Variants in TRIM5 observed in about 807,000 individuals in gnomAD.
TRIM5 encodes the protein tripartite motif containing 5.
A neutral mutation model predicts 35.6 loss-of-function variants in TRIM5; 31 were observed. The ratio of observed to expected loss-of-function variants is 0.87; its 90% CI spans 0.65 to 1.18. TRIM5 has a LOEUF of 1.18. Ranked by LOEUF, TRIM5 falls within the 50% of genes most tolerant of loss-of-function variation. The pLI is 0.00. For missense variants in TRIM5, 609 were observed against 591.6 expected, an observed-to-expected ratio of 1.03 and a Z score of -0.31; for synonymous variants, 243 against 215.6, an observed-to-expected ratio of 1.13 and a Z score of -1.11.
At chr11:5,597,372 A>G in the TRIM5 span, among the ~76,000 whole-genome samples, 11 of 152,328 alleles carry the variant, frequency 7.2e-5, 1 homozygote, top group African/African-American at 2.4e-4. Flanking sequence ...GCACAATCAA[A>G]ACAATTTTTA....
downstream of TRIM5, among the ~76,000 whole-genome samples, chr11:5,659,007 T>C (rs568115867): frequency 1.1e-4 from 17 of 151,986 alleles, no homozygotes; most frequent in South Asian, 3.5e-3. Context: ...TGTGGTAGGG[T>C]GGGCGCCTGG....
the TRIM5 span, among the ~76,000 whole-genome samples, chr11:5,609,725 A>G: frequency 1.3e-5 from 2 of 152,158 alleles, no homozygotes; most frequent in Admixed American, 6.5e-5. Context: ...GATCAAAACC[A>G]TCCTGGCTAA....
At chr11:5,610,471 G>C in the TRIM5 span, 1 of 1,612,920 alleles carries the variant, frequency 6.2e-7, no homozygotes, top group South Asian at 1.1e-5. Flanking sequence ...GTAGTAAGGA[G>C]AGAGATACCA....
chr11:5,658,477 T>G (rs764764498), downstream of TRIM5, among the ~76,000 whole-genome samples: 13 of 152,212 alleles, frequency 8.5e-5, no homozygotes, highest in Non-Finnish European at 1.9e-4. Flanking sequence ...GAAAGCCCTC[T>G]GTCCTTGCAA....
intron 1 of TRIM5, among the ~76,000 whole-genome samples, chr11:5,682,931 G>A (rs1462557038): frequency 1.3e-5 from 2 of 152,248 alleles, no homozygotes; most frequent in Non-Finnish European, 2.9e-5. Flanking sequence ...CCCTCAGCTT[G>A]CAGGGAGGTG....
chr11:5,617,028 C>T, the TRIM5 span, among the ~76,000 whole-genome samples: 64 of 122,502 alleles, frequency 5.2e-4, 6 homozygotes, highest in African/African-American at 1.5e-3. Flanking sequence ...TAAGCCACCA[C>T]GCCCAGCTTT....
At chr11:5,608,071 C>T in the TRIM5 span, among the ~76,000 whole-genome samples, 5 of 152,316 alleles carry the variant, frequency 3.3e-5, no homozygotes, top group Non-Finnish European at 5.9e-5. Context: ...CTGAGGTTCT[C>T]TAGGCCAGGC....
chr11:5,608,847 A>ATT, the TRIM5 span, among the ~76,000 whole-genome samples: 62 of 101,882 alleles, frequency 6.1e-4, 3 homozygotes, highest in East Asian at 2.7e-3. Flanking sequence ...TTGCCCATAA[A>ATT]TTTTTTTTTT....
the TRIM5 span, chr11:5,595,405 C>G: frequency 6.6e-6 from 1 of 152,216 alleles, no homozygotes; most frequent in Non-Finnish European, 1.5e-5. Flanking sequence ...TACAGATACA[C>G]ACACACAGCT....
the TRIM5 span, chr11:5,610,490 A>C: frequency 5.0e-6 from 8 of 1,613,890 alleles, no homozygotes; most frequent in Non-Finnish European, 5.9e-6. Flanking sequence ...CAGACATGAG[A>C]CAGTTGGTCC....
the TRIM5 span, among the ~76,000 whole-genome samples, chr11:5,616,220 G>T: frequency 6.8e-6 from 1 of 146,910 alleles, no homozygotes; most frequent in East Asian, 2.2e-4. Flanking sequence ...CAAAGTGCTG[G>T]GATTACAGGC....
intron 3 of TRIM5, 91 bp downstream of exon 3, chr11:5,678,983 T>C (rs1852209559): frequency 9.3e-7 from 1 of 1,070,738 alleles, no homozygotes; most frequent in Non-Finnish European, 1.4e-6. Context: ...TCTGGACTTA[T>C]CAAATGTCAG....
the TRIM5 span, chr11:5,612,491 A>ATTT: frequency 2.0e-5 from 3 of 152,204 alleles, no homozygotes; most frequent in African/African-American, 7.2e-5. Context: ...TCCAATACAT[A>ATTT]TTTTTCTCTC....
the TRIM5 span, chr11:5,644,548 G>C: frequency 0.3 from 93,528 of 309,134 alleles, 16,406 homozygotes; most frequent in South Asian, 0.45. Flanking sequence ...TTTTTATACT[G>C]AGAGTGGGAC....
chr11:5,669,299 T>C (rs12272665), intron 4 of TRIM5, among the ~76,000 whole-genome samples: 71,279 of 151,670 alleles, frequency 0.47, 20,847 homozygotes, highest in African/African-American at 0.82. Flanking sequence ...GGGCTGGTCT[T>C]GAACTCCCAA....
At chr11:5,625,629 A>G in the TRIM5 span, among the ~76,000 whole-genome samples, 1 of 152,112 alleles carries the variant, frequency 6.6e-6, no homozygotes, top group African/African-American at 2.4e-5. Context: ...ACGTATTCTT[A>G]GTCCTTGGCC....
chr11:5,607,231 A>T, the TRIM5 span, among the ~76,000 whole-genome samples: 1 of 152,166 alleles, frequency 6.6e-6, no homozygotes, highest in Non-Finnish European at 1.5e-5. Context: ...TATAGCCAAG[A>T]TAAAAGCTTC....
the TRIM5 span, among the ~76,000 whole-genome samples, chr11:5,636,884 C>T: frequency 1.3e-5 from 2 of 152,142 alleles, no homozygotes; most frequent in African/African-American, 4.8e-5. Context: ...CGGTGGCTCA[C>T]GCCTGTAATC....
At chr11:5,645,885 A>C in the TRIM5 span, 18 of 172,828 alleles carry the variant, frequency 1.0e-4, no homozygotes, top group East Asian at 8.0e-4. Flanking sequence ...AAAAAAATAT[A>C]TATATATATA....
Sources: allele counts gnomAD v4.1 joint callset (sites outside exome capture counted in the v4.1 genomes callset), GRCh38; gene constraint gnomAD v4.1.1; transcripts MANE v1.5; gene names NCBI Gene and HGNC (gene_info 2026-07-23, HGNC 2026-07-21).